The following NOTCH2NLC variants were observed in gnomAD, a reference collection of about 807,000 sequenced individuals.
NOTCH2NLC encodes the protein notch homolog 2 N-terminal-like protein C.
A neutral mutation model predicts 17.7 loss-of-function variants in NOTCH2NLC; 4 were observed. The ratio of observed to expected loss-of-function variants is 0.23; its 90% CI spans 0.11 to 0.52. The LOEUF is 0.52. NOTCH2NLC is among the 20% of genes least tolerant of loss of function. The pLI, the probability that NOTCH2NLC is intolerant of heterozygous loss-of-function variation, is 0.96. For missense variants in NOTCH2NLC, 57 were observed against 207.2 expected (o/e 0.28, Z 4.45); for synonymous variants, 18 against 86.0 (o/e 0.21, Z 4.38).
chr1:149,417,255 G>A (rs1262779600), intron 1 of NOTCH2NLC, among the ~76,000 whole-genome samples: 1 of 149,914 alleles, frequency 6.7e-6, no homozygotes, highest in African/African-American at 2.4e-5. Context: ...GATTACAGGT[G>A]CCCGCCACCA....
At chr1:149,413,615 A>C (rs1438222852) in intron 1 of NOTCH2NLC, among the ~76,000 whole-genome samples, 1 of 150,940 alleles carries the variant, frequency 6.6e-6, no homozygotes, top group African/African-American at 2.4e-5. Flanking sequence ...GCATCCTACC[A>C]GTGTGAGTTA....
At chr1:149,449,198 T>C (rs1474913751) in intron 2 of NOTCH2NLC, among the ~76,000 whole-genome samples, 4 of 151,180 alleles carry the variant, frequency 2.6e-5, no homozygotes, top group African/African-American at 9.7e-5. Flanking sequence ...AAAATCTTAA[T>C]CTTTCTAAGC....
rs1477984830 is a variant in NOTCH2NLC at position 149,471,539 on chromosome 1, G to A, written c.*7386G>A. On this transcript the variant is annotated 3_prime_UTR_variant, in exon 5 of 5. Coordinates refer to ENST00000650865, the MANE Select transcript of NOTCH2NLC (RefSeq NM_001364013.2). ...TACATGTGGATATTTAGTTGTCCCA[G>A]GACCATTTGTTGAATTAAGTGCCCA... Among the ~76,000 whole-genome samples the A allele has an allele frequency of 6.7e-6, 1 of 150,350 alleles. No homozygotes were observed. The highest frequency in any genetic ancestry group is 6.7e-5 in the Admixed American group (1 of 15,014).
intron 1 of NOTCH2NLC, among the ~76,000 whole-genome samples, chr1:149,429,836 A>C (rs1341517064): frequency 1.3e-5 from 2 of 149,998 alleles, no homozygotes; most frequent in African/African-American, 2.4e-5. Context: ...GGAGGGGGGA[A>C]CTTCTCAGTT....
Position 149,419,109 on chromosome 1 carries a change from A to G in NOTCH2NLC, c.136-11833A>G, listed in dbSNP as rs1200203460. Among the ~76,000 whole-genome samples the G allele has an allele frequency of 6.3e-5, 7 of 111,856 alleles. No homozygotes were observed. The East Asian group carries it at 1.8e-3, about 28-fold the overall frequency. The allele number at this position is 111,856 out of a possible 152,430, so 73.4% of individuals were successfully genotyped here. A position where few individuals can be genotyped will look rare whatever the true frequency, so the allele number is the denominator to read the frequency against. ...TCTCTCTCTCTTTCTTTAGCAGTTT[A>G]TTACTCATTTGTGAGAATCAGGGAA... On this transcript the variant is annotated intron_variant, in intron 1 of 4. Coordinates refer to ENST00000650865, the MANE Select transcript of NOTCH2NLC (RefSeq NM_001364013.2).
chr1:149,448,699 C>G (rs1355695557), intron 2 of NOTCH2NLC, among the ~76,000 whole-genome samples: 3 of 150,610 alleles, frequency 2.0e-5, no homozygotes, highest in African/African-American at 7.3e-5. Context: ...TGGTTCAGCT[C>G]TGTGCTGCAC....
Position 149,464,624 on chromosome 1 carries a change from A to G in NOTCH2NLC, c.*471A>G, listed in dbSNP as rs2084674064. On this transcript the variant is annotated 3_prime_UTR_variant, in exon 5 of 5. Transcript: ENST00000650865. ...AGGGAGAAAGGAACAAGCTTGGCCA[A>G]TTCATTCAACTCCTTATAAAAATGA... 2 of 151,812 alleles carry G rather than the reference A, an allele frequency of 1.3e-5. No homozygotes were observed. The highest frequency in any genetic ancestry group is 4.9e-5 in the African/African-American group (2 of 40,516). 9.4% of individuals were successfully genotyped at this position (151,812 alleles called of 1,614,324 possible).
chr1:149,439,009 C>T (rs1438683549), intron 2 of NOTCH2NLC, among the ~76,000 whole-genome samples: 7 of 146,128 alleles, frequency 4.8e-5, no homozygotes, highest in Non-Finnish European at 9.0e-5. Flanking sequence ...AACCACTGTG[C>T]CTGGCCAGTT....
intron 1 of NOTCH2NLC, among the ~76,000 whole-genome samples, chr1:149,424,015 T>C (rs1364566992): frequency 3.3e-5 from 5 of 151,060 alleles, no homozygotes; most frequent in East Asian, 2.0e-4. Flanking sequence ...GCCAGTGATA[T>C]GTAGCTGGTA....
In NOTCH2NLC at chr1:149,449,692, C is replaced by T. The variant is rs1485688608; in HGVS notation, c.210-5626C>T. Among the ~76,000 whole-genome samples, 2 of 151,192 alleles carry T rather than the reference C, an allele frequency of 1.3e-5. 1 individual carries two copies. The highest frequency in any genetic ancestry group is 3.0e-5 in the Non-Finnish European group (2 of 67,644). The stretch of plus-strand genomic sequence containing the variant: ...CTTTTAAAGTGTTTAATTTAGTAGA[C>T]TTTAGTATTTCCAGAGTTATGAGAC... On this transcript the variant is annotated intron_variant, in intron 2 of 4. Transcript: ENST00000650865.
intron 2 of NOTCH2NLC, among the ~76,000 whole-genome samples, chr1:149,451,088 GGAA>G: frequency 6.9e-6 from 1 of 144,686 alleles, no homozygotes; most frequent in East Asian, 2.1e-4. Flanking sequence ...TAATAGATGG[GGAA>G]GAAGGAGAAA....
At position 149,435,895 on chromosome 1, in the gene NOTCH2NLC, C is replaced by T. The variant is rs1281178188; in HGVS notation, c.209+4880C>T. Among the ~76,000 whole-genome samples, 50 of 149,086 alleles carry T rather than the reference C, an allele frequency of 3.4e-4. 2 individuals are homozygous for T. Among genetic ancestry groups the T allele is most frequent in the Non-Finnish European group, 5.1e-4 (34 of 67,078 alleles). On this transcript the variant is annotated intron_variant, in intron 2 of 4. Coordinates refer to ENST00000650865, the MANE Select transcript of NOTCH2NLC (RefSeq NM_001364013.2). ...CTGCATGAACTGGGGTGTACCTTCA[C>T]GATAAAAAAAAACAAAAACAAAACT... is the stretch of plus-strand genomic sequence containing the variant.
intron 1 of NOTCH2NLC, among the ~76,000 whole-genome samples, chr1:149,412,898 CTTTTTT>C (rs1228082474): frequency 4.2e-5 from 4 of 95,606 alleles, no homozygotes; most frequent in African/African-American, 1.6e-4. Flanking sequence ...AGATGACTGA[CTTTTTT>C]TTTTTTTTTT....
At chr1:149,429,406 C>T (rs1171838680) in intron 1 of NOTCH2NLC, among the ~76,000 whole-genome samples, 10 of 149,734 alleles carry the variant, frequency 6.7e-5, no homozygotes, top group Admixed American at 2.6e-4. Flanking sequence ...TTCTAGCTTT[C>T]TAACTCAGTG....
rs1400658617 is a variant in NOTCH2NLC at position 149,461,096 on chromosome 1, G to A, written c.470-2395G>A. ...ATTACAGGTATGTGCTATGAAGCCC[G>A]GCAAATTTTTGTAGTTTTAGAAAAG... On this transcript the variant is annotated intron_variant, in intron 3 of 4. Transcript: ENST00000650865. 3.5e-4 allele frequency among the ~76,000 whole-genome samples: 53 copies of A among 150,196 alleles called. 1 individual carries two copies. The highest frequency in any genetic ancestry group is 1.0e-3 in the African/African-American group (42 of 40,894).
At chr1:149,399,878 C>T (rs1200800051) in intron 1 of NOTCH2NLC, among the ~76,000 whole-genome samples, 1 of 148,646 alleles carries the variant, frequency 6.7e-6, no homozygotes, top group Non-Finnish European at 1.5e-5. Context: ...CAGAATTATT[C>T]GTTATGTTTA....
intron 3 of NOTCH2NLC, among the ~76,000 whole-genome samples, chr1:149,462,230 A>G (rs2084654597): frequency 6.8e-6 from 1 of 146,332 alleles, no homozygotes; most frequent in Admixed American, 6.9e-5. Context: ...GTGAATACCA[A>G]ATTTACTAGT....
At chr1:149,413,498 G>A (rs1164818092) in intron 1 of NOTCH2NLC, among the ~76,000 whole-genome samples, 1 of 151,234 alleles carries the variant, frequency 6.6e-6, no homozygotes, top group East Asian at 2.0e-4. Flanking sequence ...AATCTTAACA[G>A]TGCCAAGCTG....
At chr1:149,419,631 A>G (rs2084367074) in intron 1 of NOTCH2NLC, among the ~76,000 whole-genome samples, 1 of 148,794 alleles carries the variant, frequency 6.7e-6, no homozygotes, top group African/African-American at 2.5e-5. Flanking sequence ...ATGAGTAATC[A>G]AAAGGCTGAT....
Sources: allele counts gnomAD v4.1 joint callset (sites outside exome capture counted in the v4.1 genomes callset), GRCh38; gene constraint gnomAD v4.1.1; transcripts MANE v1.5; gene names NCBI Gene and HGNC (gene_info 2026-07-23, HGNC 2026-07-21).